The following SCHIP1 variants were observed in gnomAD, a reference collection of about 807,000 sequenced individuals.
The protein encoded by SCHIP1 is schwannomin interacting protein 1, also known as schwannomin-interacting protein 1.
Under a neutral mutation model 29.7 loss-of-function variants are expected in SCHIP1, and 8 were observed. The ratio of observed to expected loss-of-function variants is 0.27; its 90% CI spans 0.16 to 0.49. SCHIP1 has a LOEUF of 0.49. Ranked by LOEUF, SCHIP1 falls within the 20% of genes least tolerant of loss-of-function variation. The pLI, the probability that SCHIP1 is intolerant of heterozygous loss-of-function variation, is 0.99. For missense variants in SCHIP1, 193 were observed against 294.6 expected (o/e 0.66, Z 2.52); for synonymous variants, 76 against 94.9 (o/e 0.80, Z 1.16).
At chr3:159,891,934 A>T (rs1445681484) in intron 5 of SCHIP1, among the ~76,000 whole-genome samples, 163 bp from the exon 7 acceptor site, 2 of 152,218 alleles carry the variant, frequency 1.3e-5, no homozygotes, top group Non-Finnish European at 2.9e-5. Context: ...CTCTATAATT[A>T]TGCAAACTAG....
At chr3:159,695,785 A>G in the SCHIP1 span, among the ~76,000 whole-genome samples, 4 of 152,296 alleles carry the variant, frequency 2.6e-5, no homozygotes, top group East Asian at 7.7e-4. Context: ...CCCCTAAGCC[A>G]GCCTGAATTC....
the SCHIP1 span, among the ~76,000 whole-genome samples, chr3:159,527,597 C>T: frequency 6.6e-6 from 1 of 152,084 alleles, no homozygotes; most frequent in African/African-American, 2.4e-5. Context: ...CTATTAGAAG[C>T]TTTGTTTTTT....
At chr3:159,895,583 C>T (rs759155120) in intron 6 of SCHIP1, among the ~76,000 whole-genome samples, 18 of 152,190 alleles carry the variant, frequency 1.2e-4, no homozygotes, top group Non-Finnish European at 2.4e-4. Context: ...CTTGGCCACA[C>T]TCCTCCCCCT....
chr3:159,878,753 G>C (rs1413961355), intron 2 of SCHIP1, among the ~76,000 whole-genome samples: 20 of 149,966 alleles, frequency 1.3e-4, no homozygotes, highest in Admixed American at 5.3e-4. Context: ...ACTCCAGCCT[G>C]GGCGACAGAG....
At chr3:159,694,652 T>G in the SCHIP1 span, among the ~76,000 whole-genome samples, 3 of 152,158 alleles carry the variant, frequency 2.0e-5, no homozygotes, top group Non-Finnish European at 4.4e-5. Flanking sequence ...AAGGATTGCA[T>G]ATTGGAATAA....
the SCHIP1 span, among the ~76,000 whole-genome samples, chr3:159,695,023 C>T: frequency 2.6e-5 from 4 of 152,140 alleles, no homozygotes; most frequent in Non-Finnish European, 4.4e-5. Flanking sequence ...GCTTCTTGCT[C>T]CAGTGTTTCC....
At chr3:159,752,975 A>G in the SCHIP1 span, among the ~76,000 whole-genome samples, 1 of 152,224 alleles carries the variant, frequency 6.6e-6, no homozygotes, top group Non-Finnish European at 1.5e-5. Context: ...AAATGCTACA[A>G]TGAGCCTCTT....
chr3:159,731,606 C>T, the SCHIP1 span, among the ~76,000 whole-genome samples: 5 of 152,204 alleles, frequency 3.3e-5, no homozygotes, highest in African/African-American at 4.8e-5. Flanking sequence ...AAATCTCACA[C>T]CACAAGCTTT....
At chr3:159,295,278 A>AC in the SCHIP1 span, among the ~76,000 whole-genome samples, 80 of 126,172 alleles carry the variant, frequency 6.3e-4, no homozygotes, top group Non-Finnish European at 9.4e-4. Flanking sequence ...AAAAAAAAAC[A>AC]ACTAGCCAGG....
At chr3:159,361,692 G>A in the SCHIP1 span, among the ~76,000 whole-genome samples, 1 of 152,218 alleles carries the variant, frequency 6.6e-6, no homozygotes, top group Non-Finnish European at 1.5e-5. Context: ...AGAGACCAGG[G>A]TGGTACAGAC....
the SCHIP1 span, among the ~76,000 whole-genome samples, chr3:159,573,764 G>A: frequency 2.0e-5 from 3 of 152,016 alleles, no homozygotes; most frequent in African/African-American, 7.2e-5. Flanking sequence ...TGTAGATTTG[G>A]TCTTTTCATA....
At chr3:159,598,695 A>G in the SCHIP1 span, among the ~76,000 whole-genome samples, 2 of 152,138 alleles carry the variant, frequency 1.3e-5, no homozygotes, top group Non-Finnish European at 2.9e-5. Flanking sequence ...CAGTGGATCT[A>G]CCTGTTAAAA....
the SCHIP1 span, among the ~76,000 whole-genome samples, chr3:159,418,069 G>T: frequency 6.6e-6 from 1 of 152,192 alleles, no homozygotes; most frequent in East Asian, 1.9e-4. Flanking sequence ...GGCCACTGAG[G>T]TTGGTAGTTA....
chr3:159,366,590 A>G, the SCHIP1 span, among the ~76,000 whole-genome samples: 1 of 152,164 alleles, frequency 6.6e-6, no homozygotes, highest in African/African-American at 2.4e-5. Flanking sequence ...TTCAATAAAC[A>G]CTTCCTGTTA....
At chr3:159,796,426 T>C in the SCHIP1 span, among the ~76,000 whole-genome samples, 1 of 151,844 alleles carries the variant, frequency 6.6e-6, no homozygotes, top group East Asian at 1.9e-4. Context: ...ACTCAGTGAG[T>C]CTTTGATGTG....
the SCHIP1 span, among the ~76,000 whole-genome samples, chr3:159,788,945 T>A: frequency 6.6e-6 from 1 of 152,182 alleles, no homozygotes; most frequent in Non-Finnish European, 1.5e-5. Flanking sequence ...ATGATGCTTA[T>A]AGGAAATGCT....
chr3:159,400,578 C>A, the SCHIP1 span, among the ~76,000 whole-genome samples: 61 of 152,268 alleles, frequency 4.0e-4, no homozygotes, highest in African/African-American at 1.4e-3. Context: ...TGTTGAATTT[C>A]AAAGCTCCTT....
At chr3:159,538,523 C>G in the SCHIP1 span, among the ~76,000 whole-genome samples, 1 of 152,082 alleles carries the variant, frequency 6.6e-6, no homozygotes, top group Non-Finnish European at 1.5e-5. Flanking sequence ...GTGACAGTAG[C>G]AATAATTTAC....
chr3:159,508,950 T>C, the SCHIP1 span, among the ~76,000 whole-genome samples: 1 of 152,234 alleles, frequency 6.6e-6, no homozygotes, highest in African/African-American at 2.4e-5. Context: ...TTCTGTTGAT[T>C]TGGGGTGGAG....
Sources: allele counts gnomAD v4.1 joint callset (sites outside exome capture counted in the v4.1 genomes callset), GRCh38; gene constraint gnomAD v4.1.1; transcripts MANE v1.5; gene names NCBI Gene and HGNC (gene_info 2026-07-23, HGNC 2026-07-21).